STAU2: variants seen among roughly 807,000 people sequenced by gnomAD.
STAU2 encodes staufen double-stranded RNA binding protein 2.
STAU2 carries 20 observed loss-of-function variants against 65.9 expected under a neutral mutation model. That is an observed-to-expected ratio of 0.30 (90% CI 0.21 to 0.44). The LOEUF (loss-of-function observed/expected upper bound fraction) is 0.44. Among genes scored for constraint, STAU2 ranks in the 20% least tolerant of loss-of-function variants. STAU2 has a pLI of 1.00. For synonymous variants in STAU2, 232 were observed against 233.9 expected (o/e 0.99, Z 0.07); for missense variants, 558 against 683.9 (o/e 0.82, Z 2.05).
chr8:73,601,343 A>C (rs1212743478), intron 10 of STAU2, among the ~76,000 whole-genome samples: 1 of 152,220 alleles, frequency 6.6e-6, no homozygotes, highest in Non-Finnish European at 1.5e-5. Flanking sequence ...TTTCTGTTTG[A>C]AAGATTAAAA....
intron 3 of STAU2, among the ~76,000 whole-genome samples, chr8:73,713,840 G>A (rs961622288): frequency 1.3e-4 from 20 of 152,048 alleles, no homozygotes; most frequent in African/African-American, 4.1e-4. Flanking sequence ...ACCTCGCTTC[G>A]CAAGGCAAAT....
intron 13 of STAU2, among the ~76,000 whole-genome samples, chr8:73,492,161 A>G (rs1020144748): frequency 2.6e-5 from 4 of 151,958 alleles, no homozygotes; most frequent in Non-Finnish European, 4.4e-5. Flanking sequence ...TACAAAAACA[A>G]TAAAGCATTT....
chr8:73,597,183 C>T (rs1563447598), intron 10 of STAU2, among the ~76,000 whole-genome samples: 1 of 151,848 alleles, frequency 6.6e-6, no homozygotes, highest in Non-Finnish European at 1.5e-5. Context: ...AAAGTTGGTT[C>T]TCTAATAAGA....
rs1275777525 is a variant in STAU2 at position 73,435,849 on chromosome 8, G to T, written c.1531-13147C>A. ...CAATTGGGGTTTTGCCTAAAACCTT[G>T]GTGGTGGCACATCCTGAACCAGAGG... On this transcript the variant is annotated intron_variant, in intron 13 of 14. Transcript: ENST00000524300. Among the ~76,000 whole-genome samples, 30 of 151,792 alleles carry T rather than the reference G, an allele frequency of 2.0e-4. 1 individual carries two copies. Among genetic ancestry groups the T allele is most frequent in the Admixed American group, 1.8e-3 (27 of 15,270 alleles).
chr8:73,444,378 C>T (rs80226983), intron 13 of STAU2, among the ~76,000 whole-genome samples: 10,528 of 148,290 alleles, frequency 0.071, 885 homozygotes, highest in African/African-American at 0.2. Context: ...TGCACTCCAG[C>T]CTAAGCAACA....
intron 13 of STAU2, among the ~76,000 whole-genome samples, chr8:73,447,704 C>T (rs1415163163): frequency 1.3e-5 from 2 of 152,222 alleles, no homozygotes; most frequent in Admixed American, 6.5e-5. Context: ...TCGCTGACCA[C>T]GAGGTGGAAC....
chr8:73,499,547 A>G (rs1449414276), intron 13 of STAU2, among the ~76,000 whole-genome samples: 1 of 151,848 alleles, frequency 6.6e-6, no homozygotes, highest in Non-Finnish European at 1.5e-5. Context: ...AGGCCTTTGT[A>G]TTTGGCAATC....
chr8:73,496,910 C>T (rs184882314), intron 13 of STAU2, among the ~76,000 whole-genome samples: 89 of 151,676 alleles, frequency 5.9e-4, no homozygotes, highest in Non-Finnish European at 1.6e-4. Flanking sequence ...TAGACAGTTG[C>T]TAATAGTCCT....
intron 5 of STAU2, among the ~76,000 whole-genome samples, chr8:73,674,541 C>T (rs891415274): frequency 1.2e-4 from 18 of 151,708 alleles, no homozygotes; most frequent in African/African-American, 2.4e-4. Flanking sequence ...CCTAATCATA[C>T]GAAGAACAGT....
intron 6 of STAU2, among the ~76,000 whole-genome samples, chr8:73,670,927 CAATT>C (rs1563496044): frequency 6.6e-6 from 1 of 151,884 alleles, no homozygotes; most frequent in African/African-American, 2.4e-5. Flanking sequence ...AACAAATACA[CAATT>C]AAAAGCCAAA....
intron 11 of STAU2, among the ~76,000 whole-genome samples, chr8:73,592,861 AAAAACAAC>A (rs1255522466): frequency 2.7e-5 from 4 of 149,448 alleles, no homozygotes; most frequent in African/African-American, 9.7e-5. Flanking sequence ...TCCGTCTCAA[AAAAACAAC>A]AAAAAAATCC....
intron 5 of STAU2, among the ~76,000 whole-genome samples, chr8:73,674,613 C>T (rs1315963746): frequency 6.6e-6 from 1 of 151,118 alleles, no homozygotes; most frequent in African/African-American, 2.4e-5. Context: ...TTTTTAAACC[C>T]TGCAAATAAA....
Position 73,433,469 on chromosome 8 carries a change from G to A in STAU2, c.1531-10767C>T, listed in dbSNP as rs184962534. 4.7e-3 allele frequency among the ~76,000 whole-genome samples: 692 copies of A among 148,810 alleles called. 23 individuals carry two copies. The highest frequency in any genetic ancestry group is 0.016 in the African/African-American group (656 of 39,904). ...TCCGCCCACCTCGGCCTCCCAAAGC[G>A]CTGGGATTAAAGGTGTGAGCCATCA... On this transcript the variant is annotated intron_variant, in intron 13 of 14. Transcript: ENST00000524300.
intron 12 of STAU2, among the ~76,000 whole-genome samples, chr8:73,556,618 G>A (rs1168528957): frequency 2.0e-5 from 3 of 152,138 alleles, no homozygotes; most frequent in African/African-American, 4.8e-5. Flanking sequence ...TTAGCTGGAC[G>A]TAGTGGCAGG....
chr8:73,548,299 T>C (rs187387346), intron 13 of STAU2, among the ~76,000 whole-genome samples: 29 of 149,704 alleles, frequency 1.9e-4, no homozygotes, highest in Admixed American at 1.3e-3. Flanking sequence ...TGATGATAAC[T>C]ATATGGATTG....
intron 12 of STAU2, among the ~76,000 whole-genome samples, chr8:73,579,491 G>A (rs1809828588): frequency 6.6e-6 from 1 of 152,108 alleles, no homozygotes; most frequent in Non-Finnish European, 1.5e-5. Flanking sequence ...AAAAAGAGAT[G>A]TTATCAGCTG....
chr8:73,580,559 T>G (rs975769180), intron 12 of STAU2, among the ~76,000 whole-genome samples: 34 of 152,320 alleles, frequency 2.2e-4, no homozygotes, highest in African/African-American at 7.5e-4. Flanking sequence ...ATTTCAAACT[T>G]AAGAAACTGA....
chr8:73,718,569 C>T (rs1208686788), intron 3 of STAU2, among the ~76,000 whole-genome samples: 1 of 152,266 alleles, frequency 6.6e-6, no homozygotes, highest in East Asian at 1.9e-4. Context: ...ATGTTTTGCC[C>T]CTGCAAGTGT....
At chr8:73,450,305 CTT>C (rs1293154821) in intron 13 of STAU2, among the ~76,000 whole-genome samples, 2 of 152,132 alleles carry the variant, frequency 1.3e-5, no homozygotes, top group Non-Finnish European at 2.9e-5. Flanking sequence ...GTCGACATAA[CTT>C]AGGAAAATTG....
Sources: gnomAD v4.1 joint callset for allele counts (sites outside exome capture counted in the v4.1 genomes callset) on GRCh38, gnomAD v4.1.1 for gene constraint, MANE v1.5 for transcripts, NCBI Gene and HGNC (gene_info 2026-07-23, HGNC 2026-07-21) for gene names.